The following SLC71A1 variants were observed in gnomAD, a reference collection of about 807,000 sequenced individuals.
SLC71A1 encodes the protein hippocampus abundant gene transcript 1.
chr1:100,072,094 A>C, the SLC71A1 span, among the ~76,000 whole-genome samples: 1 of 152,228 alleles, frequency 6.6e-6, no homozygotes, highest in Admixed American at 6.5e-5. Flanking sequence ...TTTATATCAT[A>C]TATGAGCTAC....
the SLC71A1 span, among the ~76,000 whole-genome samples, chr1:100,046,180 T>C: frequency 2.8e-3 from 419 of 149,904 alleles, 3 homozygotes; most frequent in African/African-American, 9.9e-3. Context: ...TAGTATAATT[T>C]GAAGTGAAGT....
the SLC71A1 span, among the ~76,000 whole-genome samples, chr1:100,042,703 G>T: frequency 1.2e-3 from 186 of 152,062 alleles, 1 homozygote; most frequent in African/African-American, 4.4e-3. Context: ...TGCCTCCCTG[G>T]TTCAAGGAAT....
the SLC71A1 span, among the ~76,000 whole-genome samples, chr1:100,048,884 G>T: frequency 6.6e-6 from 1 of 152,186 alleles, no homozygotes; most frequent in Admixed American, 6.5e-5. Context: ...TCTGAGCCTC[G>T]TGGGGGGAAG....
chr1:100,063,584 C>A, the SLC71A1 span, among the ~76,000 whole-genome samples: 2 of 152,044 alleles, frequency 1.3e-5, no homozygotes, highest in African/African-American at 4.8e-5. Flanking sequence ...TTGTTTGAGC[C>A]CAGGAGTTTG....
the SLC71A1 span, among the ~76,000 whole-genome samples, chr1:100,057,182 C>T: frequency 7.2e-5 from 11 of 152,062 alleles, no homozygotes; most frequent in African/African-American, 2.7e-4. Context: ...CTCATTTGTC[C>T]ATTCTCACTT....
At chr1:100,048,392 C>A in the SLC71A1 span, among the ~76,000 whole-genome samples, 1 of 152,184 alleles carries the variant, frequency 6.6e-6, no homozygotes, top group Non-Finnish European at 1.5e-5. Flanking sequence ...GTTGGCAAGG[C>A]TGGTCTCGAA....
the SLC71A1 span, among the ~76,000 whole-genome samples, chr1:100,067,242 A>ATTTAT: frequency 1.3e-5 from 2 of 151,884 alleles, no homozygotes; most frequent in South Asian, 4.2e-4. Context: ...AGAGGCTATC[A>ATTTAT]TTTATTTTAT....
chr1:100,053,429 A>G, the SLC71A1 span, among the ~76,000 whole-genome samples: 1 of 152,216 alleles, frequency 6.6e-6, no homozygotes, highest in African/African-American at 2.4e-5. Context: ...ACAAGAGTCA[A>G]AGTTTTTAAC....
At chr1:100,055,830 G>A in the SLC71A1 span, among the ~76,000 whole-genome samples, 1 of 152,088 alleles carries the variant, frequency 6.6e-6, no homozygotes, top group African/African-American at 2.4e-5. Context: ...TCAGCTTACT[G>A]CAATCTCTGC....
the SLC71A1 span, among the ~76,000 whole-genome samples, chr1:100,040,678 T>C: frequency 6.6e-6 from 1 of 152,266 alleles, no homozygotes; most frequent in South Asian, 2.1e-4. Flanking sequence ...GTCAGGCTGG[T>C]CTTGAACTCC....
chr1:100,051,085 CAA>C, the SLC71A1 span, among the ~76,000 whole-genome samples: 2 of 86,470 alleles, frequency 2.3e-5, no homozygotes, highest in Admixed American at 1.3e-4. Context: ...AACCTTGTCT[CAA>C]AAAAAAAAAA....
At chr1:100,067,835 A>C in the SLC71A1 span, 1 of 699,992 alleles carries the variant, frequency 1.4e-6, no homozygotes, top group South Asian at 1.9e-5. Context: ...ACAAGAAAAA[A>C]AGATAAATGG....
chr1:100,048,481 C>G, the SLC71A1 span, among the ~76,000 whole-genome samples: 1 of 152,068 alleles, frequency 6.6e-6, no homozygotes, highest in Admixed American at 6.6e-5. Context: ...TGCCTGGCCT[C>G]CTGTGGTCTT....
the SLC71A1 span, among the ~76,000 whole-genome samples, chr1:100,054,534 A>T: frequency 6.6e-6 from 1 of 151,928 alleles, no homozygotes; most frequent in Non-Finnish European, 1.5e-5. Flanking sequence ...TGACAGACCT[A>T]TGGCTCTGGA....
chr1:100,053,076 G>T, the SLC71A1 span, among the ~76,000 whole-genome samples: 2 of 152,190 alleles, frequency 1.3e-5, no homozygotes, highest in African/African-American at 4.8e-5. Context: ...AAGCCACCAT[G>T]CCCAGCCTGG....
the SLC71A1 span, among the ~76,000 whole-genome samples, chr1:100,067,796 C>G: frequency 1.3e-5 from 2 of 152,000 alleles, no homozygotes; most frequent in Non-Finnish European, 2.9e-5. Flanking sequence ...GGCGACAGAG[C>G]AAGACCCAGT....
chr1:100,075,675 G>C, the SLC71A1 span, among the ~76,000 whole-genome samples: 4 of 152,028 alleles, frequency 2.6e-5, no homozygotes, highest in Non-Finnish European at 5.9e-5. Context: ...TTGGCCACCA[G>C]TTCCCACCCA....
chr1:100,052,569 C>T, the SLC71A1 span, among the ~76,000 whole-genome samples: 2 of 151,024 alleles, frequency 1.3e-5, no homozygotes, highest in Non-Finnish European at 2.9e-5. Context: ...GTAGCTGGGA[C>T]TACAGGCACA....
the SLC71A1 span, among the ~76,000 whole-genome samples, chr1:100,076,909 G>A: frequency 3.3e-5 from 5 of 152,182 alleles, no homozygotes; most frequent in African/African-American, 4.8e-5. Flanking sequence ...ACTGATTTAA[G>A]TGGTCCTCAG....
Sources: gnomAD v4.1 joint callset for allele counts (sites outside exome capture counted in the v4.1 genomes callset) on GRCh38, gnomAD v4.1.1 for gene constraint, MANE v1.5 for transcripts, NCBI Gene and HGNC (gene_info 2026-07-23, HGNC 2026-07-21) for gene names.